The following TOP2B variants were observed in gnomAD, a reference collection of about 807,000 sequenced individuals.
TOP2B encodes DNA topoisomerase 2-beta.
In TOP2B, 51 loss-of-function variants were observed where a neutral mutation model predicts 193.5. The ratio of observed to expected loss-of-function variants is 0.26; its 90% CI spans 0.21 to 0.33. The LOEUF is 0.33. Among genes scored for constraint, TOP2B ranks in the 10% least tolerant of loss-of-function variants. The probability of loss-of-function intolerance (pLI) is 1.00; values close to 1 mark genes in which losing one functional copy is unlikely to be tolerated. For synonymous variants in TOP2B, 634 were observed against 635.7 expected, an observed-to-expected ratio of 1.00 and a Z score of 0.04; for missense variants, 1,378 against 1,909.3, an observed-to-expected ratio of 0.72 and a Z score of 5.19.
intron 1 of TOP2B, among the ~76,000 whole-genome samples, chr3:25,652,778 G>T (rs1703628976): frequency 6.6e-6 from 1 of 151,600 alleles, no homozygotes; most frequent in African/African-American, 2.4e-5. Context: ...CCAAATTAAT[G>T]AAGGGAAATA....
rs892945721 is a variant in TOP2B, at chr3:25,645,523, G to A, written c.70-53C>T. 15 of 1,362,568 alleles carry A rather than the reference G, an allele frequency of 1.1e-5. No homozygotes were observed. In the African/African-American group the frequency reaches 1.5e-4, roughly 13 times the overall value. 84.4% of individuals were successfully genotyped at this position (1,362,568 alleles called of 1,614,324 possible). A position where few individuals can be genotyped will look rare whatever the true frequency, so the allele number is the denominator to read the frequency against. ...AATAACCTACCAAGGGGTAGACAAT[G>A]AGTATGGACACACGACATGGGTTTT... On this transcript the variant is annotated intron_variant, in intron 1 of 35. Transcript: ENST00000264331.
At chr3:25,601,720 T>C (rs1178633650) in intron 33 of TOP2B, among the ~76,000 whole-genome samples, 2 of 152,228 alleles carry the variant, frequency 1.3e-5, no homozygotes, top group African/African-American at 4.8e-5. Flanking sequence ...TTTTATTTAA[T>C]TATGTATAAT....
intron 18 of TOP2B, among the ~76,000 whole-genome samples, 193 bp downstream of exon 18, chr3:25,626,367 A>G (rs1371505893): frequency 6.6e-6 from 1 of 152,300 alleles, no homozygotes; most frequent in South Asian, 2.1e-4. Flanking sequence ...ATTAAGGAAT[A>G]TTAAAGATTT....
chr3:25,615,338 A>C, intron 26 of TOP2B, 50 bp from the exon 27 acceptor site: 17 of 1,573,242 alleles, frequency 1.1e-5, no homozygotes, highest in Non-Finnish European at 1.5e-5. Flanking sequence ...AAAACATATG[A>C]AGGATAAATC....
At chr3:25,638,654 G>A (rs375144747) in intron 4 of TOP2B, among the ~76,000 whole-genome samples, 28 of 151,802 alleles carry the variant, frequency 1.8e-4, no homozygotes, top group African/African-American at 6.3e-4. Flanking sequence ...TTAGCACATG[G>A]TACTGTAATT....
intron 25 of TOP2B, chr3:25,618,157 G>T: frequency 2.6e-6 from 1 of 392,056 alleles, no homozygotes; most frequent in Non-Finnish European, 4.6e-6. Flanking sequence ...AAAGGTCAAG[G>T]AGACTGAGCT....
chr3:25,634,907 C>A (rs114919025), intron 7 of TOP2B, among the ~76,000 whole-genome samples: 2,029 of 151,948 alleles, frequency 0.013, 49 homozygotes, highest in African/African-American at 0.044. Flanking sequence ...GAAAAAAAGT[C>A]TTTACCTATG....
chr3:25,653,054 C>T (rs932284116), intron 1 of TOP2B, among the ~76,000 whole-genome samples: 14 of 152,170 alleles, frequency 9.2e-5, no homozygotes, highest in Middle Eastern at 3.4e-3. Flanking sequence ...GAAATGAATA[C>T]ATTCCAAACA....
intron 13 of TOP2B, among the ~76,000 whole-genome samples, 191 bp downstream of exon 13, chr3:25,629,838 C>T (rs574070509): frequency 3.6e-4 from 55 of 152,192 alleles, no homozygotes; most frequent in Non-Finnish European, 6.0e-4. Flanking sequence ...TTAGTTACCC[C>T]AAAAATCAGA....
rs1321792917 is a variant in TOP2B, at chr3:25,633,954, C to T, written c.913G>A (p.Val305Met). ...YVKDKLDETG[V>M]ALKVIHELAN... ...AGCTCATGAATAACTTTCAGGGCCA[C>T]CCCAGTTTCATCCAATTTGTCTTTC... is the stretch of plus-strand genomic sequence containing the variant. Residue 305 changes from valine (V) to methionine (M), a missense_variant, in exon 8 of 36, where the codon GTG becomes ATG. Around this residue, in one of 9 missense-constraint regions of TOP2B, gnomAD observed 222 missense variants for 306.6 expected, o/e 0.72. Coordinates refer to ENST00000264331, the MANE Select transcript of TOP2B (RefSeq NM_001330700.2). The T allele has an allele frequency of 9.9e-6, 16 of 1,612,632 alleles. No individual in the cohort carries two copies. The highest frequency in any genetic ancestry group is 9.9e-5 in the South Asian group (9 of 90,998).
rs1704001711 is a variant in TOP2B, at chr3:25,664,006, A to G, written c.69+223T>C. ...TTTGTCCCCCCAAAGTTTCAAGTAC[A>G]CATTACGCTCTGGCAGTCAGGACTT... On this transcript the variant is annotated intron_variant, in intron 1 of 35. Coordinates refer to ENST00000264331, the MANE Select transcript of TOP2B (RefSeq NM_001330700.2). Among the ~76,000 whole-genome samples the G allele has an allele frequency of 2.0e-5, 3 of 152,248 alleles. No homozygotes were observed. In the East Asian group the frequency reaches 5.8e-4, roughly 29 times the overall value.
At chr3:25,620,428 T>G (rs1483575104) in intron 22 of TOP2B, among the ~76,000 whole-genome samples, 2 of 152,168 alleles carry the variant, frequency 1.3e-5, no homozygotes, top group Non-Finnish European at 2.9e-5. Context: ...TGTCATATTC[T>G]ACTCCTTTTA....
intron 25 of TOP2B, among the ~76,000 whole-genome samples, chr3:25,616,733 T>G (rs1422892845): frequency 6.6e-6 from 1 of 151,920 alleles, no homozygotes; most frequent in Admixed American, 6.6e-5. Flanking sequence ...ATCACTAGGA[T>G]ACAACAAAAT....
chr3:25,640,377 G>A (rs970467888), intron 4 of TOP2B, among the ~76,000 whole-genome samples: 7 of 151,890 alleles, frequency 4.6e-5, no homozygotes, highest in African/African-American at 1.2e-4. Context: ...AAAGAAACAA[G>A]AAAGGAGGGG....
intron 1 of TOP2B, among the ~76,000 whole-genome samples, chr3:25,647,103 G>C (rs913275349): frequency 6.6e-6 from 1 of 152,078 alleles, no homozygotes; most frequent in Non-Finnish European, 1.5e-5. Context: ...AAAGTTAGAC[G>C]ATGAACTAGC....
rs1559492059 is a variant in TOP2B, at chr3:25,607,348, A to C, written c.4121T>G (p.Phe1374Cys). 6.4e-7 allele frequency: 1 copy of C among 1,551,468 alleles called. No homozygotes were observed. The highest frequency in any genetic ancestry group is 2.0e-5 in the Admixed American group (1 of 50,998). The change falls in exon 31 of 36, where the codon TTC (phenylalanine) becomes TGC (cysteine). Residue 1374 changes from phenylalanine (F) to cysteine (C), a missense_variant. Coordinates refer to ENST00000264331, the MANE Select transcript of TOP2B (RefSeq NM_001330700.2). The stretch of plus-strand genomic sequence containing the variant: ...AGCATCATCATCCTCTTCTTCTGAG[A>C]AATCAAATGTGTATTTAGGTCTTTC... ...AAERPKYTFD[F>C]SEEEDDDADD...
Position 25,625,902 on chromosome 3 carries a change from A to T in TOP2B, c.2224+658T>A, listed in dbSNP as rs115822452. On this transcript the variant is annotated intron_variant, in intron 18 of 35. Coordinates refer to ENST00000264331, the MANE Select transcript of TOP2B (RefSeq NM_001330700.2). ...AAGAGGTACATAATAATTGGTATAG[A>T]AGTTTAGGTATCTAAGACCAATTTA... 5.2e-3 allele frequency among the ~76,000 whole-genome samples: 798 copies of T among 152,318 alleles called. 2 individuals carry two copies. The highest frequency in any genetic ancestry group is 0.018 in the African/African-American group (764 of 41,568).
intron 28 of TOP2B, among the ~76,000 whole-genome samples, chr3:25,610,880 G>A (rs550019265): frequency 1.3e-5 from 2 of 152,264 alleles, no homozygotes; most frequent in South Asian, 4.1e-4. Context: ...ATGTCAAATG[G>A]GGACCAAGAT....
intron 24 of TOP2B, 49 bp downstream of exon 24, chr3:25,618,605 T>G (rs1175728800): frequency 6.5e-7 from 1 of 1,546,580 alleles, no homozygotes; most frequent in Non-Finnish European, 8.7e-7. Flanking sequence ...TTAATAAAGT[T>G]TTTTTTCCAT....
Sources: allele counts gnomAD v4.1 joint callset (sites outside exome capture counted in the v4.1 genomes callset), GRCh38; gene constraint gnomAD v4.1.1; regional missense constraint gnomAD v4.1.1; transcripts MANE v1.5; gene names NCBI Gene and HGNC (gene_info 2026-07-23, HGNC 2026-07-21).